Variants in NME4 observed in about 807,000 individuals in gnomAD.
NME4 encodes NME/NM23 nucleoside diphosphate kinase 4, also known as nucleoside diphosphate kinase D, mitochondrial.
A neutral mutation model predicts 16.4 loss-of-function variants in NME4; 21 were observed. The ratio of observed to expected loss-of-function variants is 1.28; its 90% confidence interval spans 0.91 to 1.84. The LOEUF (loss-of-function observed/expected upper bound fraction) is 1.84, where lower values mean the gene tolerates loss of function less well. Among genes scored for constraint, NME4 ranks in the 40% most tolerant of loss-of-function variants. NME4 has a pLI of 0.00. For missense variants in NME4, 316 were observed against 261.3 expected, an observed-to-expected ratio of 1.21 and a Z score of -1.44; for synonymous variants, 132 against 107.5, an observed-to-expected ratio of 1.23 and a Z score of -1.41.
Position 400,310 on chromosome 16 carries a change from G to C in NME4, c.532G>C (p.Gly178Arg), listed in dbSNP as rs763560200. The C allele has an allele frequency of 6.2e-7, 1 of 1,604,194 alleles. No individual in the cohort carries two copies. The highest frequency in any genetic ancestry group is 8.5e-7 in the Non-Finnish European group (1 of 1,176,742). Residue 178 changes from glycine (G) to arginine (R), a missense_variant, in exon 5 of 5, where the codon GGG becomes CGG. Transcript: ENST00000219479. The part of the protein sequence containing the change: ...QSSELVSWAD[G>R]GQHSSIHPA Reference sequence around the variant, plus strand: ...CAGTGAGCTGGTGAGCTGGGCAGACGGGGGCCAGCACAGCAGCATCCACCC... The same window carrying C: ...CAGTGAGCTGGTGAGCTGGGCAGACCGGGGCCAGCACAGCAGCATCCACCC...
Position 399,435 on chromosome 16 carries a change from C to T in NME4, c.282C>T (p.Tyr94=), listed in dbSNP as rs2054612682. 7 of 1,612,900 alleles carry T rather than the reference C, an allele frequency of 4.3e-6. No individual in the cohort carries two copies. Among genetic ancestry groups the T allele is most frequent in the African/African-American group, 2.7e-5 (2 of 74,910 alleles). ...HYQDLRRKPF[Y]PALIRYMSSG... ...AGGACCTGCGGAGGAAGCCCTTCTA[C>T]CCTGCCCTCATCCGCTACATGAGCT... The change falls in exon 3 of 5, where the codon TAC becomes TAT. Residue 94 remains tyrosine, a synonymous_variant. Transcript: ENST00000219479.
chr16:398,134 T>A (rs536603552), intron 1 of NME4: 16 of 1,531,536 alleles, frequency 1.0e-5, no homozygotes, highest in Non-Finnish European at 4.4e-6. Flanking sequence ...AGGGACCCGA[T>A]GCCGGAGGGT....
upstream of NME4, chr16:397,077 C>T: frequency 6.3e-6 from 1 of 157,522 alleles, no homozygotes; most frequent in Non-Finnish European, 1.3e-5. Flanking sequence ...GAACATTTCC[C>T]CCGTGAGCGC....
In NME4 at chr16:398,560, G is replaced by A. The variant is rs2054595888; in HGVS notation, c.92-430G>A. On this transcript the variant is annotated intron_variant, in intron 1 of 4. Transcript: ENST00000219479. The stretch of plus-strand genomic sequence containing the variant: ...TTTTGCAGGATCTCCAGACTTCCCT[G>A]AGGCCACTGAGCTGGGCTGTGCCTC... 8.0e-6 allele frequency: 4 copies of A among 501,596 alleles called. No homozygotes were observed. In the South Asian group the frequency reaches 8.6e-5, roughly 11 times the overall value. The allele number at this position is 501,596 out of a possible 1,614,324, so 31.1% of individuals were successfully genotyped here. A position where few individuals can be genotyped will look rare whatever the true frequency, so the allele number is the denominator to read the frequency against.
Position 399,476 on chromosome 16 carries a change from C to A in NME4, c.323C>A (p.Ala108Asp). 4 of 1,612,510 alleles carry A rather than the reference C, an allele frequency of 2.5e-6. No homozygotes were observed. The highest frequency in any genetic ancestry group is 1.7e-4 in the Middle Eastern group (1 of 6,060). The stretch of plus-strand genomic sequence containing the variant: ...TACATGAGCTCTGGGCCTGTGGTGG[C>A]CATGGTACGGCAGGGCAGGGGTGGT... ...IRYMSSGPVV[A>D]MVWEGYNVVR... Residue 108 changes from alanine (A) to aspartate (D), a missense_variant, in exon 3 of 5, where the codon GCC becomes GAC. By Grantham distance (126) the Ala-to-Asp change is moderately radical (BLOSUM62 -2). Coordinates refer to ENST00000219479, the MANE Select transcript of NME4 (RefSeq NM_005009.3).
chr16:400,371 C>G lies in NME4; in HGVS notation c.*29C>G, dbSNP rs901240661. On this transcript the variant is annotated 3_prime_UTR_variant, in exon 5 of 5. Coordinates refer to ENST00000219479, the MANE Select transcript of NME4 (RefSeq NM_005009.3). ...TCAAGCTGCCCTTACCACCCCATCC[C>G]CCACGCAGGACCAACTACCTCCGTC... The G allele has an allele frequency of 5.0e-6, 8 of 1,588,708 alleles. No individual in the cohort carries two copies. In the Admixed American group the frequency reaches 1.1e-4, roughly 22 times the overall value.
At chr16:398,942 A>G in intron 1 of NME4, 48 bp from the exon 2 acceptor site, 3 of 1,603,330 alleles carry the variant, frequency 1.9e-6, no homozygotes, top group Non-Finnish European at 2.5e-6. Context: ...GGTCGTGGGG[A>G]CGTGAAAGGG....
At position 400,287 on chromosome 16, in the gene NME4, G is replaced by A. The variant is rs555594180; in HGVS notation, c.509G>A (p.Ser170Asn). 6.8e-5 allele frequency: 109 copies of A among 1,606,268 alleles called. 1 individual carries two copies. In the South Asian group the frequency reaches 1.1e-3, roughly 16 times the overall value. The change falls in exon 5 of 5, where the codon AGT becomes AAT. Residue 170 changes from serine to asparagine, a missense_variant. By Grantham distance (46) the Ser-to-Asn change is conservative (BLOSUM62 1). Transcript: ENST00000219479. The part of the protein sequence containing the change: ...QREIQLWFQS[S>N]ELVSWADGGQ... ...GAGATCCAGCTGTGGTTCCAGAGCA[G>A]TGAGCTGGTGAGCTGGGCAGACGGG...
chr16:398,284 C>G (rs901516468), intron 1 of NME4: 1 of 1,367,728 alleles, frequency 7.3e-7, no homozygotes, highest in African/African-American at 1.5e-5. Flanking sequence ...CCTTGAAACT[C>G]CACAGCAGCA....
At position 397,901 on chromosome 16, in the gene NME4, AAGT is replaced by A. The variant is rs2054581244; in HGVS notation, c.91+589_91+591del. ...CAGGGCTCCCTCCATCGGCTCTGAA[AAGT>A]GAGCCGCCGCCTGCAATGCCCGCAC... On this transcript the variant is annotated intron_variant, in intron 1 of 4. Transcript: ENST00000219479. 1.9e-6 allele frequency: 3 copies of A among 1,553,702 alleles called. No individual in the cohort carries two copies. The Admixed American group carries it at 5.8e-5, about 30-fold the overall frequency.
At chr16:398,957 G>T (rs755480137) in intron 1 of NME4, 33 bp from the exon 2 acceptor site, 14 of 1,607,426 alleles carry the variant, frequency 8.7e-6, no homozygotes, top group Non-Finnish European at 1.2e-5. Flanking sequence ...AAAGGGTGAG[G>T]TGGCAGTGCC....
chr16:398,163 C>T (rs1190573911), intron 1 of NME4: 1 of 1,523,062 alleles, frequency 6.6e-7, no homozygotes, highest in Non-Finnish European at 8.9e-7. Flanking sequence ...TCTGGAGCAG[C>T]CTGGGACTAT....
chr16:399,466 C>T lies in NME4; in HGVS notation c.313C>T (p.Pro105Ser). ...CCTCATCCGCTACATGAGCTCTGGG[C>T]CTGTGGTGGCCATGGTACGGCAGGG... ...PALIRYMSSG[P>S]VVAMVWEGYN... The change falls in exon 3 of 5, where the codon CCT (proline) becomes TCT (serine). Residue 105 changes from proline (P) to serine (S), a missense_variant. Pro to Ser is a moderately conservative substitution (Grantham distance 74). Transcript: ENST00000219479. The T allele has an allele frequency of 6.2e-7, 1 of 1,612,780 alleles. No individual in the cohort carries two copies. Among genetic ancestry groups the T allele is most frequent in the East Asian group, 2.2e-5 (1 of 44,872 alleles).
Position 397,230 on chromosome 16 carries a change from G to A in NME4, c.8G>A (p.Gly3Asp). MGGLFWRSALRGL... is the reference protein window; with the variant it reads MGDLFWRSALRGL... ...GCCCGCGGGCCGGGCGTCATGGGCG[G>A]CCTCTTCTGGCGCTCCGCGCTGCGG... The change falls in exon 1 of 5, where the codon GGC becomes GAC. Residue 3 changes from glycine (G) to aspartate (D), a missense_variant. Gly to Asp is a moderately conservative substitution (Grantham distance 94). Transcript: ENST00000219479. 9.7e-7 allele frequency: 1 copy of A among 1,030,166 alleles called. No individual in the cohort carries two copies. The highest frequency in any genetic ancestry group is 1.2e-6 in the Non-Finnish European group (1 of 861,088). The allele number at this position is 1,030,166 out of a possible 1,614,324, so 63.8% of individuals were successfully genotyped here.
upstream of NME4, chr16:396,764 C>T (rs1339778301): frequency 1.3e-5 from 2 of 152,544 alleles, no homozygotes; most frequent in Non-Finnish European, 2.9e-5. Context: ...GGAATTTCAC[C>T]CTCCATTGGA....
chr16:399,314 C>A, intron 2 of NME4, 65 bp from the exon 3 acceptor site: 1 of 1,518,644 alleles, frequency 6.6e-7, no homozygotes, highest in Non-Finnish European at 9.1e-7. Flanking sequence ...GTCAGGGCAT[C>A]ACAGCTGCTG....
In NME4 at chr16:399,426, G is replaced by T. The variant is rs376512881; in HGVS notation, c.273G>T (p.Lys91Asn). The change falls in exon 3 of 5, where the codon AAG becomes AAT. Residue 91 changes from lysine (K) to asparagine (N), a missense_variant. Transcript: ENST00000219479. ...LAEHYQDLRR[K>N]PFYPALIRYM... The stretch of plus-strand genomic sequence containing the variant: ...AGCACTACCAGGACCTGCGGAGGAA[G>T]CCCTTCTACCCTGCCCTCATCCGCT... 6.2e-6 allele frequency: 10 copies of T among 1,612,878 alleles called. No individual in the cohort carries two copies. The highest frequency in any genetic ancestry group is 6.8e-6 in the Non-Finnish European group (8 of 1,179,978).
intron 2 of NME4, 27 bp from the exon 3 acceptor site, chr16:399,352 G>A: frequency 6.2e-7 from 1 of 1,607,054 alleles, no homozygotes; most frequent in East Asian, 2.2e-5. Context: ...ACTGTCTGCG[G>A]CTCCTCCTTA....
At chr16:397,987 A>C in intron 1 of NME4, 1 of 1,542,886 alleles carries the variant, frequency 6.5e-7, no homozygotes, top group South Asian at 1.2e-5. Context: ...TTTTGGGGGA[A>C]CAAACCAACC....
Sources: gnomAD v4.1 joint callset for allele counts on GRCh38, gnomAD v4.1.1 for gene constraint, MANE v1.5 for transcripts, NCBI Gene and HGNC (gene_info 2026-07-23, HGNC 2026-07-21) for gene names.